Variants in MGAT4C observed in about 807,000 individuals in gnomAD.
The protein encoded by MGAT4C is alpha-1,3-mannosyl-glycoprotein 4-beta-N-acetylglucosaminyltransferase C.
Under a neutral mutation model 40.1 loss-of-function variants are expected in MGAT4C, and 19 were observed. The ratio of observed to expected loss-of-function variants is 0.47; its 90% confidence interval spans 0.33 to 0.70. MGAT4C has a LOEUF of 0.70. MGAT4C is among the 30% of genes least tolerant of loss of function. The pLI is 0.02. For missense variants in MGAT4C, 491 were observed against 563.2 expected (o/e 0.87, Z 1.30); for synonymous variants, 181 against 187.1 (o/e 0.97, Z 0.27).
At chr12:86,603,713 T>C (rs1241979208) in intron 2 of MGAT4C, among the ~76,000 whole-genome samples, 1 of 132,588 alleles carries the variant, frequency 7.5e-6, no homozygotes, top group Non-Finnish European at 1.6e-5. Flanking sequence ...CTATAGTCTA[T>C]AGACTATATA....
intron 1 of MGAT4C, among the ~76,000 whole-genome samples, chr12:86,794,124 G>A (rs1413524569): frequency 6.6e-6 from 1 of 151,618 alleles, no homozygotes; most frequent in African/African-American, 2.4e-5. Context: ...AATTAATATA[G>A]TTACATCACC....
chr12:86,790,736 C>T (rs1165038444), intron 1 of MGAT4C, among the ~76,000 whole-genome samples: 1 of 151,914 alleles, frequency 6.6e-6, no homozygotes, highest in Non-Finnish European at 1.5e-5. Flanking sequence ...GTACAAAGGC[C>T]CCATTATAGA....
At chr12:86,582,183 A>G (rs1960808757) in intron 2 of MGAT4C, among the ~76,000 whole-genome samples, 1 of 151,510 alleles carries the variant, frequency 6.6e-6, no homozygotes, top group African/African-American at 2.4e-5. Flanking sequence ...TACAAAGACC[A>G]ATGCAATCTT....
intron 1 of MGAT4C, among the ~76,000 whole-genome samples, chr12:86,242,515 T>G (rs779352825): frequency 3.9e-5 from 6 of 152,182 alleles, no homozygotes; most frequent in South Asian, 4.1e-4. Flanking sequence ...ATATTTCACA[T>G]GTAATGACTC....
At chr12:86,652,077 T>C (rs1169275180) in intron 2 of MGAT4C, among the ~76,000 whole-genome samples, 1 of 151,890 alleles carries the variant, frequency 6.6e-6, no homozygotes, top group Non-Finnish European at 1.5e-5. Context: ...AATAAGTAGT[T>C]TTTTTGCAAC....
In MGAT4C at chr12:86,379,246, C is replaced by A. The variant is rs116269973; in HGVS notation, c.-119-45119G>T. ...GTTGAGAGTGTTGCATAAATACAAG[C>A]TATCACCATTACTTGACTAAAATAT... On this transcript the variant is annotated intron_variant, in intron 3 of 7. Transcript: ENST00000548651. Among the ~76,000 whole-genome samples, 437 of 152,108 alleles carry A rather than the reference C, an allele frequency of 2.9e-3. 1 individual carries two copies. The highest frequency in any genetic ancestry group is 0.01 in the African/African-American group (424 of 41,532).
At chr12:86,343,183 G>A (rs190471392) in intron 3 of MGAT4C, among the ~76,000 whole-genome samples, 4 of 152,258 alleles carry the variant, frequency 2.6e-5, no homozygotes, top group African/African-American at 9.6e-5. Context: ...GACAGGAAGA[G>A]ATGAGGGCAA....
At chr12:86,490,899 C>A (rs1337768126) in intron 2 of MGAT4C, among the ~76,000 whole-genome samples, 1 of 152,004 alleles carries the variant, frequency 6.6e-6, no homozygotes, top group African/African-American at 2.4e-5. Flanking sequence ...ACAGGAGCAC[C>A]CAGATTCATA....
chr12:86,429,903 T>C (rs986823777), intron 3 of MGAT4C, among the ~76,000 whole-genome samples: 1 of 152,190 alleles, frequency 6.6e-6, no homozygotes, highest in South Asian at 2.1e-4. Context: ...CTGGAAGTCC[T>C]ATTATGTGAA....
chr12:86,706,612 G>T (rs1263602713), intron 2 of MGAT4C, among the ~76,000 whole-genome samples: 2 of 151,862 alleles, frequency 1.3e-5, no homozygotes, highest in African/African-American at 4.8e-5. Flanking sequence ...ACATTCTTTA[G>T]CCCCCATAGA....
rs1046583098 is a variant in MGAT4C at position 86,680,958 on chromosome 12, A to T, written c.-229+46251T>A. On this transcript the variant is annotated intron_variant, in intron 2 of 7. Coordinates refer to the MGAT4C transcript ENST00000548651. ...TGCAAGCATTTTTTTCTGGTATGTG[A>T]TACATCATGCTCATGGGACTATTGT... 2.0e-5 allele frequency among the ~76,000 whole-genome samples: 3 copies of T among 151,994 alleles called. No individual in the cohort carries two copies. In the South Asian group the frequency reaches 6.2e-4, roughly 31 times the overall value.
intron 2 of MGAT4C, among the ~76,000 whole-genome samples, chr12:86,724,290 A>G (rs1565949206): frequency 6.6e-6 from 1 of 152,180 alleles, no homozygotes; most frequent in Non-Finnish European, 1.5e-5. Flanking sequence ...TCTCCTCAGC[A>G]CTGTTGTGTC....
intron 2 of MGAT4C, among the ~76,000 whole-genome samples, chr12:86,049,304 C>CTGTG (rs112761344): frequency 2.7e-5 from 4 of 148,576 alleles, no homozygotes; most frequent in South Asian, 2.1e-4. Context: ...GTGTGTGCGC[C>CTGTG]TGTGTGTGTG....
intron 3 of MGAT4C, among the ~76,000 whole-genome samples, chr12:86,389,839 T>C (rs887263470): frequency 6.6e-6 from 1 of 152,224 alleles, no homozygotes; most frequent in African/African-American, 2.4e-5. Context: ...TATTGTTTCA[T>C]GAATGTTAAG....
intron 2 of MGAT4C, among the ~76,000 whole-genome samples, chr12:86,037,519 C>G (rs555441313): frequency 6.7e-6 from 1 of 150,124 alleles, no homozygotes; most frequent in Non-Finnish European, 1.5e-5. Flanking sequence ...CAAAGAACAT[C>G]TTTATTTCTG....
rs1397979284 is a variant in MGAT4C at position 85,961,393 on chromosome 12, A to T, written c.*17896T>A. 1 of 151,870 alleles carries T rather than the reference A, an allele frequency of 6.6e-6. No individual in the cohort carries two copies. Among genetic ancestry groups the T allele is most frequent in the East Asian group, 1.9e-4 (1 of 5,194 alleles). The allele number at this position is 151,870 out of a possible 1,614,324, so 9.4% of individuals were successfully genotyped here. A position where few individuals can be genotyped will look rare whatever the true frequency, so the allele number is the denominator to read the frequency against. On this transcript the variant is annotated 3_prime_UTR_variant, in exon 5 of 5. Transcript: ENST00000611864. ...CCCATTTTTGGAGAGTAAAAATTTA[A>T]GAAACAAAGGGAATGTGTCTGGGGA...
At chr12:86,331,254 C>T (rs1177054610) in intron 4 of MGAT4C, among the ~76,000 whole-genome samples, 1 of 152,062 alleles carries the variant, frequency 6.6e-6, no homozygotes, top group Non-Finnish European at 1.5e-5. Context: ...TCCCTTCTCC[C>T]TTGATTCTTC....
chr12:86,806,605 G>T (rs957920551), intron 1 of MGAT4C, among the ~76,000 whole-genome samples: 1 of 151,856 alleles, frequency 6.6e-6, no homozygotes, highest in African/African-American at 2.4e-5. Flanking sequence ...ATCTCTTCCT[G>T]ACAATTCTCT....
At chr12:86,078,482 T>A (rs1211520967) in intron 1 of MGAT4C, among the ~76,000 whole-genome samples, 2 of 152,228 alleles carry the variant, frequency 1.3e-5, no homozygotes, top group African/African-American at 4.8e-5. Context: ...GGCAAACCTA[T>A]ATCTGGAATA....
Sources: gnomAD v4.1 joint callset for allele counts (sites outside exome capture counted in the v4.1 genomes callset) on GRCh38, gnomAD v4.1.1 for gene constraint, MANE v1.5 for transcripts, NCBI Gene and HGNC (gene_info 2026-07-23, HGNC 2026-07-21) for gene names.